GTPBP4: variants seen among roughly 807,000 people sequenced by gnomAD.
GTPBP4 encodes GTP-binding protein 4.
GTPBP4 carries 15 observed loss-of-function variants against 81.7 expected under a neutral mutation model. That is an observed-to-expected ratio of 0.18 (90% confidence interval 0.12 to 0.28). The LOEUF (loss-of-function observed/expected upper bound fraction) is 0.28. GTPBP4 is among the 10% of genes least tolerant of loss of function. The probability of loss-of-function intolerance (pLI) is 1.00; values close to 1 mark genes in which losing one functional copy is unlikely to be tolerated. For missense variants in GTPBP4, 847 were observed against 793.8 expected (o/e 1.07, Z -0.81); for synonymous variants, 272 against 274.6 (o/e 0.99, Z 0.09).
chr10:1,019,169 C>T lies in GTPBP4; in HGVS notation c.*1942C>T, dbSNP rs1832043369. The T allele has an allele frequency of 3.3e-5, 7 of 210,018 alleles. No individual in the cohort carries two copies. The South Asian group carries it at 6.6e-4, about 20-fold the overall frequency. The allele number at this position is 210,018 out of a possible 1,614,324, so 13.0% of individuals were successfully genotyped here. On this transcript the variant is annotated 3_prime_UTR_variant, in exon 17 of 17. Coordinates refer to ENST00000360803, the MANE Select transcript of GTPBP4 (RefSeq NM_012341.3). The stretch of plus-strand genomic sequence containing the variant: ...TTGGATAAAGCTGTGGGGAGACAGC[C>T]TCATGGTCCAGCCAGGCTAGTCCGC...
At chr10:995,572 A>T (rs1019646669) in intron 2 of GTPBP4, among the ~76,000 whole-genome samples, 1 of 152,164 alleles carries the variant, frequency 6.6e-6, no homozygotes, top group Non-Finnish European at 1.5e-5. Context: ...AGATTGAGAA[A>T]TAACAGCAAA....
chr10:1,005,294 C>T (rs937257441), intron 8 of GTPBP4, among the ~76,000 whole-genome samples: 8 of 152,062 alleles, frequency 5.3e-5, no homozygotes, highest in African/African-American at 9.7e-5. Flanking sequence ...TACAGGCGGC[C>T]GCCACCACGC....
In GTPBP4 at chr10:1,015,397, GACCT is replaced by G. The variant is rs1564472223; in HGVS notation, c.1609-355_1609-352del. Among the ~76,000 whole-genome samples the G allele has an allele frequency of 9.9e-5, 13 of 131,490 alleles. 2 individuals carry two copies. The highest frequency in any genetic ancestry group is 2.4e-4 in the South Asian group (1 of 4,204). 86.3% of individuals were successfully genotyped at this position (131,490 alleles called of 152,430 possible). A position where few individuals can be genotyped will look rare whatever the true frequency, so the allele number is the denominator to read the frequency against. ...GTCCTGAGCTCTGAGCCTGGGAGTG[GACCT>G]GGGGTCCTGAGCGCTGAGCCTGGGA... On this transcript the variant is annotated intron_variant, in intron 15 of 16. Transcript: ENST00000360803.
At chr10:993,201 C>T (rs531626163) in intron 2 of GTPBP4, among the ~76,000 whole-genome samples, 4 of 152,296 alleles carry the variant, frequency 2.6e-5, no homozygotes, top group African/African-American at 7.2e-5. Flanking sequence ...TTGAATGAAG[C>T]CAGAAACCTT....
intron 8 of GTPBP4, among the ~76,000 whole-genome samples, chr10:1,001,654 T>A (rs1831634491): frequency 6.7e-6 from 1 of 149,786 alleles, no homozygotes; most frequent in Non-Finnish European, 1.5e-5. Flanking sequence ...TTGGTCATTC[T>A]GGGACATGTT....
chr10:998,045 C>G lies in GTPBP4; in HGVS notation c.561+737C>G, dbSNP rs532422739. On this transcript the variant is annotated intron_variant, in intron 5 of 16. Coordinates refer to ENST00000360803, the MANE Select transcript of GTPBP4 (RefSeq NM_012341.3). ...GAAAATGGTCAAATTTTATGGCTTA[C>G]TCAGTGCCAAGATCACTTTATTTTT... Among the ~76,000 whole-genome samples the G allele has an allele frequency of 5.3e-5, 8 of 152,280 alleles. No homozygotes were observed. The South Asian group carries it at 1.7e-3, about 32-fold the overall frequency.
At position 997,260 on chromosome 10, in the gene GTPBP4, G is replaced by A; in HGVS notation, c.513G>A (p.Leu171=). ...LPTIDPNTRT[L]LLCGYPNVGK... The stretch of plus-strand genomic sequence containing the variant: ...CCATTGATCCGAATACCAGGACCCT[G>A]CTTTTGTGTGGGTACCCAAATGTTG... Residue 171 remains leucine (L), a synonymous_variant, in exon 5 of 17, where the codon CTG becomes CTA. Coordinates refer to ENST00000360803, the MANE Select transcript of GTPBP4 (RefSeq NM_012341.3). 1 of 1,610,382 alleles carries A rather than the reference G, an allele frequency of 6.2e-7. No homozygotes were observed. The highest frequency in any genetic ancestry group is 1.1e-5 in the South Asian group (1 of 91,006).
rs1831930745 is a variant in GTPBP4 at position 1,014,165 on chromosome 10, T to C, written c.1543-82T>C. 5 of 803,152 alleles carry C rather than the reference T, an allele frequency of 6.2e-6. No individual in the cohort carries two copies. In the East Asian group the frequency reaches 1.1e-4, roughly 17 times the overall value. The allele number at this position is 803,152 out of a possible 1,614,324, so 49.8% of individuals were successfully genotyped here. On this transcript the variant is annotated intron_variant, in intron 14 of 16. Coordinates refer to ENST00000360803, the MANE Select transcript of GTPBP4 (RefSeq NM_012341.3). Reference sequence around the variant, plus strand: ...TATATTATAATTGTTGCAAAATATGTATACATATATATTGCCTTGAAGTTT... The same window carrying C: ...TATATTATAATTGTTGCAAAATATGCATACATATATATTGCCTTGAAGTTT...
At position 995,944 on chromosome 10, in the gene GTPBP4, T is replaced by G; in HGVS notation, c.235T>G (p.Tyr79Asp). The change falls in exon 3 of 17, where the codon TAT (tyrosine) becomes GAT (aspartate). Residue 79 changes from tyrosine (Y) to aspartate (D), a missense_variant. Physicochemically the swap from Tyr to Asp is radical, Grantham distance 160 (BLOSUM62 -3). This residue lies in a region of GTPBP4 where 241 missense variants were observed against 216.3 expected (regional missense o/e 1.11). Transcript: ENST00000360803. ...TTTGTTACAGGATATTCATCCGTTC[T>G]ATGCTGATTTGATGAATATTCTCTA... Reference protein sequence around the residue: ...FPKLDDIHPFYADLMNILYDK... With the variant: ...FPKLDDIHPFDADLMNILYDK... 1 of 1,603,990 alleles carries G rather than the reference T, an allele frequency of 6.2e-7. No homozygotes were observed. Among genetic ancestry groups the G allele is most frequent in the Non-Finnish European group, 8.5e-7 (1 of 1,170,808 alleles).
Position 996,028 on chromosome 10 carries a change from G to C in GTPBP4, c.319G>C (p.Asp107His). Residue 107 changes from aspartate to histidine, a missense_variant, in exon 3 of 17, where the codon GAC (aspartate) becomes CAC (histidine). Around this residue, in one of 3 missense-constraint regions of GTPBP4, gnomAD observed 241 missense variants for 216.3 expected, o/e 1.11. Transcript: ENST00000360803. Reference protein sequence around the residue: ...GQINIAKNLVDNVAKDYVRLM... With the variant: ...GQINIAKNLVHNVAKDYVRLM... The stretch of plus-strand genomic sequence containing the variant: ...AATAAATATTGCCAAAAATTTAGTG[G>C]ACAAGTAAGGTACTTTTTTCTGTAG... 6.3e-7 allele frequency: 1 copy of C among 1,598,810 alleles called. No homozygotes were observed. The highest frequency in any genetic ancestry group is 8.6e-7 in the Non-Finnish European group (1 of 1,166,130).
chr10:1,003,553 TGGAGA>T (rs1831676484), intron 8 of GTPBP4, among the ~76,000 whole-genome samples: 1 of 152,218 alleles, frequency 6.6e-6, no homozygotes, highest in Admixed American at 6.5e-5. Context: ...GTGGCTTTCA[TGGAGA>T]GGTTTTCACC....
At chr10:1,011,294 C>G (rs1420220643) in intron 13 of GTPBP4, among the ~76,000 whole-genome samples, 2 of 152,196 alleles carry the variant, frequency 1.3e-5, no homozygotes, top group Non-Finnish European at 1.5e-5. Flanking sequence ...TCAATCCCCT[C>G]CCTACTTGCT....
intron 4 of GTPBP4, chr10:996,529 A>G (rs1329005364): frequency 1.3e-5 from 3 of 237,586 alleles, no homozygotes; most frequent in Non-Finnish European, 2.4e-5. Context: ...AAGGTGGCTC[A>G]TAGTTTATTA....
At position 1,001,005 on chromosome 10, in the gene GTPBP4, G is replaced by A. The variant is rs1176769358; in HGVS notation, c.904G>A (p.Asp302Asn). 6.3e-7 allele frequency: 1 copy of A among 1,598,650 alleles called. No homozygotes were observed. The highest frequency in any genetic ancestry group is 8.6e-7 in the Non-Finnish European group (1 of 1,165,900). ...DVKRIAELSE[D>N]DQKIFTDLQS... ...GAAGAGAATAGCTGAACTTTCTGAAGATGATCAGGTAAATCACGTTAATAT... is the reference window on the plus strand; with the variant it reads ...GAAGAGAATAGCTGAACTTTCTGAAAATGATCAGGTAAATCACGTTAATAT... Residue 302 changes from aspartate (D) to asparagine (N), a missense_variant, in exon 8 of 17, where the codon GAT (aspartate) becomes AAT (asparagine). Coordinates refer to ENST00000360803, the MANE Select transcript of GTPBP4 (RefSeq NM_012341.3).
intron 14 of GTPBP4, among the ~76,000 whole-genome samples, chr10:1,013,093 C>G (rs530516010): frequency 6.6e-6 from 1 of 152,052 alleles, no homozygotes; most frequent in South Asian, 2.1e-4. Flanking sequence ...AAGCAATTCT[C>G]CTGCCTCAGC....
chr10:999,275 C>T lies in GTPBP4; in HGVS notation c.654+180C>T, dbSNP rs574764467. 5.3e-5 allele frequency among the ~76,000 whole-genome samples: 8 copies of T among 152,212 alleles called. 2 individuals are homozygous for T. The South Asian group carries it at 1.2e-3, about 24-fold the overall frequency. ...CAGGGATTACAGGTGCACACCACCACGACCGGCCAATTTTTGTGTTTTTTT... is the reference window on the plus strand; with the variant it reads ...CAGGGATTACAGGTGCACACCACCATGACCGGCCAATTTTTGTGTTTTTTT... On this transcript the variant is annotated intron_variant, in intron 6 of 16. Coordinates refer to ENST00000360803, the MANE Select transcript of GTPBP4 (RefSeq NM_012341.3).
Position 1,012,493 on chromosome 10 carries a change from A to T in GTPBP4, c.1373A>T (p.Glu458Val). ...KKLEELEKEEELRTAAGEYDS... is the reference protein window; with the variant it reads ...KKLEELEKEEVLRTAAGEYDS... The stretch of plus-strand genomic sequence containing the variant: ...TTGGAAGAATTAGAAAAAGAAGAAG[A>T]GCTGAGAACAGCTGCTGGAGAGTAT... The change falls in exon 14 of 17, where the codon GAG (glutamate) becomes GTG (valine). Residue 458 changes from glutamate (E) to valine (V), a missense_variant. Physicochemically the swap from Glu to Val is moderately radical, Grantham distance 121. Coordinates refer to ENST00000360803, the MANE Select transcript of GTPBP4 (RefSeq NM_012341.3). 1 of 1,603,884 alleles carries T rather than the reference A, an allele frequency of 6.2e-7. No homozygotes were observed. The highest frequency in any genetic ancestry group is 8.5e-7 in the Non-Finnish European group (1 of 1,175,794).
Position 1,017,471 on chromosome 10 carries a change from A to C in GTPBP4, c.*244A>C. On this transcript the variant is annotated 3_prime_UTR_variant, in exon 17 of 17. Coordinates refer to ENST00000360803, the MANE Select transcript of GTPBP4 (RefSeq NM_012341.3). ...CATTTAATGGAGTATCAGTTGCTTC[A>C]GATTTTCAGAACTGGGAAGATTTAC... is the stretch of plus-strand genomic sequence containing the variant. 2.8e-6 allele frequency: 1 copy of C among 356,438 alleles called. No homozygotes were observed. The highest frequency in any genetic ancestry group is 5.0e-6 in the Non-Finnish European group (1 of 199,280). 22.1% of individuals were successfully genotyped at this position (356,438 alleles called of 1,614,324 possible).
Position 1,019,484 on chromosome 10 carries a change from C to T in GTPBP4, c.*2257C>T. The T allele has an allele frequency of 6.4e-7, 1 of 1,563,770 alleles. No individual in the cohort carries two copies. Among genetic ancestry groups the T allele is most frequent in the Non-Finnish European group, 8.7e-7 (1 of 1,146,284 alleles). On this transcript the variant is annotated 3_prime_UTR_variant, in exon 17 of 17. Transcript: ENST00000360803. ...ATGGTGCGTCTGCCTGCACTGAGGG[C>T]ATTACACATGGCTGACTCGACCTCC...
Sources: gnomAD v4.1 joint callset for allele counts (sites outside exome capture counted in the v4.1 genomes callset) on GRCh38, gnomAD v4.1.1 for gene constraint, gnomAD v4.1.1 regional missense constraint, MANE v1.5 for transcripts, NCBI Gene and HGNC (gene_info 2026-07-23, HGNC 2026-07-21) for gene names.